GNAI1: variants seen among roughly 807,000 people sequenced by gnomAD.
The protein encoded by GNAI1 is G protein subunit alpha i1.
In GNAI1, 11 loss-of-function variants were observed where a neutral mutation model predicts 38.9. The ratio of observed to expected loss-of-function variants is 0.28; its 90% CI spans 0.18 to 0.47. The LOEUF (loss-of-function observed/expected upper bound fraction) is 0.47, where lower values mean the gene tolerates loss of function less well. GNAI1 is among the 20% of genes least tolerant of loss of function. GNAI1 has a pLI of 0.99. For missense variants in GNAI1, 317 were observed against 436.9 expected, an observed-to-expected ratio of 0.73 and a Z score of 2.45; for synonymous variants, 166 against 145.1, an observed-to-expected ratio of 1.14 and a Z score of -1.04.
chr7:80,198,499 A>G (rs544097046), intron 3 of GNAI1, among the ~76,000 whole-genome samples: 28 of 152,252 alleles, frequency 1.8e-4, no homozygotes, highest in African/African-American at 5.8e-4. Context: ...GCTAAGTTTA[A>G]TTAACTTTAT....
intron 1 of GNAI1, among the ~76,000 whole-genome samples, chr7:80,144,678 T>G (rs546945831): frequency 1.2e-4 from 19 of 152,216 alleles, no homozygotes; most frequent in Non-Finnish European, 2.4e-4. Flanking sequence ...GCTGAAGGCT[T>G]ACTAATTTTG....
intron 1 of GNAI1, among the ~76,000 whole-genome samples, chr7:80,159,403 C>T (rs1191301979): frequency 6.6e-6 from 1 of 152,082 alleles, no homozygotes; most frequent in Non-Finnish European, 1.5e-5. Flanking sequence ...TCTAGGTGAG[C>T]ACATCTAAAG....
chr7:80,217,458 A>T lies in GNAI1; in HGVS notation c.1030A>T (p.Ile344Leu). ...TTTTGATGCTGTAACAGATGTCATC[A>T]TAAAAAATAATCTAAAAGATTGTGG... Reference protein sequence around the residue: ...FVFDAVTDVIIKNNLKDCGLF With the variant: ...FVFDAVTDVILKNNLKDCGLF Residue 344 changes from isoleucine (I) to leucine (L), a missense_variant, in exon 8 of 8, where the codon ATA (isoleucine) becomes TTA (leucine). Ile to Leu is a conservative substitution (Grantham distance 5, BLOSUM62 2). Transcript: ENST00000649796. The T allele has an allele frequency of 6.2e-7, 1 of 1,602,208 alleles. No homozygotes were observed. The highest frequency in any genetic ancestry group is 8.5e-7 in the Non-Finnish European group (1 of 1,176,116).
chr7:80,161,568 CT>C (rs753945874), intron 1 of GNAI1, among the ~76,000 whole-genome samples: 8 of 152,128 alleles, frequency 5.3e-5, no homozygotes, highest in Non-Finnish European at 1.2e-4. Flanking sequence ...CAAAGAATTT[CT>C]TTAAATGTCA....
intron 1 of GNAI1, among the ~76,000 whole-genome samples, chr7:80,138,490 TAATG>T (rs1456312694): frequency 6.6e-6 from 1 of 152,212 alleles, no homozygotes; most frequent in Non-Finnish European, 1.5e-5. Context: ...AAGTAAGTAA[TAATG>T]AAAGTTTTTT....
intron 1 of GNAI1, among the ~76,000 whole-genome samples, chr7:80,160,125 G>GT (rs1787895792): frequency 6.6e-6 from 1 of 151,778 alleles, no homozygotes; most frequent in Non-Finnish European, 1.5e-5. Context: ...GTCTGCTTCT[G>GT]TAAGTATCAC....
chr7:80,215,066 T>A (rs1203891070), intron 7 of GNAI1, among the ~76,000 whole-genome samples: 2 of 152,194 alleles, frequency 1.3e-5, no homozygotes, highest in Non-Finnish European at 2.9e-5. Context: ...CTTTCCCTTT[T>A]GATTGTGTCA....
At chr7:80,198,348 A>C (rs1343071632) in intron 3 of GNAI1, among the ~76,000 whole-genome samples, 1 of 152,268 alleles carries the variant, frequency 6.6e-6, no homozygotes, top group South Asian at 2.1e-4. Flanking sequence ...CTTTAAAAAA[A>C]GCTTTTAAAA....
chr7:80,201,221 G>A (rs924908609), intron 4 of GNAI1, among the ~76,000 whole-genome samples: 4 of 152,184 alleles, frequency 2.6e-5, no homozygotes, highest in African/African-American at 9.6e-5. Flanking sequence ...ACCAGCATCT[G>A]TGGAGATTTA....
At chr7:80,189,353 G>C (rs577963873) in intron 3 of GNAI1, 122 bp downstream of exon 3, 1 of 796,016 alleles carries the variant, frequency 1.3e-6, no homozygotes, top group African/African-American at 1.8e-5. Context: ...GGAACCAAAA[G>C]GATAGAAGTG....
intron 5 of GNAI1, among the ~76,000 whole-genome samples, chr7:80,210,550 A>ATGTTCCGT (rs995170297): frequency 2.0e-5 from 3 of 152,098 alleles, no homozygotes; most frequent in African/African-American, 7.2e-5. Context: ...TCTGCCTTCA[A>ATGTTCCGT]TGTTCCGTGA....
chr7:80,152,045 T>C (rs1392321850), intron 1 of GNAI1, among the ~76,000 whole-genome samples: 2 of 152,210 alleles, frequency 1.3e-5, no homozygotes, highest in Admixed American at 6.5e-5. Context: ...TTTTCAGTTT[T>C]TTAGTATACG....
At chr7:80,201,864 T>A (rs942174733) in intron 4 of GNAI1, among the ~76,000 whole-genome samples, 17 of 152,316 alleles carry the variant, frequency 1.1e-4, no homozygotes, top group African/African-American at 4.1e-4. Flanking sequence ...AACATTTTTC[T>A]CCATAGTGAT....
intron 1 of GNAI1, among the ~76,000 whole-genome samples, chr7:80,185,614 T>C (rs1211176631): frequency 6.6e-6 from 1 of 152,124 alleles, no homozygotes; most frequent in Non-Finnish European, 1.5e-5. Flanking sequence ...TTCCTCTATC[T>C]CTGTTCGGTG....
At chr7:80,193,514 C>T (rs564278658) in intron 3 of GNAI1, among the ~76,000 whole-genome samples, 107 of 152,146 alleles carry the variant, frequency 7.0e-4, no homozygotes, top group African/African-American at 2.4e-3. Flanking sequence ...AGTCCATCTG[C>T]GAGTGATAAT....
chr7:80,135,437 C>G (rs1001040718), intron 1 of GNAI1, 159 bp downstream of exon 1: 9 of 435,566 alleles, frequency 2.1e-5, no homozygotes, highest in African/African-American at 1.0e-4. Context: ...AGGCGGGTCC[C>G]CCTCTCCCGG....
chr7:80,203,910 T>C, intron 5 of GNAI1, 78 bp downstream of exon 5: 1 of 839,048 alleles, frequency 1.2e-6, no homozygotes. Flanking sequence ...GTAATAAAAG[T>C]TTACAACATT....
chr7:80,170,234 T>C (rs569090037), intron 1 of GNAI1, among the ~76,000 whole-genome samples: 36 of 152,348 alleles, frequency 2.4e-4, no homozygotes, highest in Admixed American at 7.8e-4. Context: ...CCAAAGTGGT[T>C]GTACCATTTA....
In GNAI1 at chr7:80,218,402, A is replaced by G. The variant is rs1471445277; in HGVS notation, c.*909A>G. 6.6e-6 allele frequency: 1 copy of G among 151,988 alleles called. No homozygotes were observed. The highest frequency in any genetic ancestry group is 1.5e-5 in the Non-Finnish European group (1 of 67,970). The allele number at this position is 151,988 out of a possible 1,614,324, so 9.4% of individuals were successfully genotyped here. A position where few individuals can be genotyped will look rare whatever the true frequency, so the allele number is the denominator to read the frequency against. ...ACTTTAAATAACTACATTTTTGTTT[A>G]TAACTAAGTTTGGAGGGATCCTAAG... On this transcript the variant is annotated 3_prime_UTR_variant, in exon 8 of 8. Coordinates refer to ENST00000649796, the MANE Select transcript of GNAI1 (RefSeq NM_002069.6).
Sources: allele counts gnomAD v4.1 joint callset (sites outside exome capture counted in the v4.1 genomes callset), GRCh38; gene constraint gnomAD v4.1.1; transcripts MANE v1.5; gene names NCBI Gene and HGNC (gene_info 2026-07-23, HGNC 2026-07-21).